Variants in COL5A3 observed in about 807,000 individuals in gnomAD.
The protein encoded by COL5A3 is collagen type V alpha 3 chain.
Under a neutral mutation model 250.0 loss-of-function variants are expected in COL5A3, and 172 were observed. The observed-to-expected ratio is 0.69, with a 90% CI of 0.61 to 0.78. The LOEUF is 0.78. Ranked by LOEUF, COL5A3 falls within the 30% of genes least tolerant of loss-of-function variation. The pLI, the probability that COL5A3 is intolerant of heterozygous loss-of-function variation, is 0.00. For synonymous variants in COL5A3, 937 were observed against 900.4 expected (o/e 1.04, Z -0.73); for missense variants, 2,340 against 2,334.4 (o/e 1.00, Z -0.05).
At chr19:9,962,778 C>A (rs775210362) in intron 65 of COL5A3, 41 bp downstream of exon 65, 3 of 1,517,956 alleles carry the variant, frequency 2.0e-6, no homozygotes, top group Admixed American at 3.5e-5. Flanking sequence ...TGGTTCCCAT[C>A]AATTTTCATG....
In COL5A3 at chr19:9,978,917, C is replaced by A; in HGVS notation, c.2938G>T (p.Gly980Cys). The A allele has an allele frequency of 3.3e-6, 5 of 1,494,194 alleles. No homozygotes were observed. Among genetic ancestry groups the A allele is most frequent in the Non-Finnish European group, 4.5e-6 (5 of 1,123,504 alleles). 92.6% of individuals were successfully genotyped at this position (1,494,194 alleles called of 1,614,324 possible). A position where few individuals can be genotyped will look rare whatever the true frequency, so the allele number is the denominator to read the frequency against. Residue 980 changes from glycine to cysteine, a missense_variant, in exon 40 of 67, where the codon GGC becomes TGC. Physicochemically the swap from Gly to Cys is radical, Grantham distance 159. Coordinates refer to ENST00000264828, the MANE Select transcript of COL5A3 (RefSeq NM_015719.4). The stretch of plus-strand genomic sequence containing the variant: ...GGGTCCCCAGGGCCCCCTTTGGGGC[C>A]GGGAAAGCCCCTGAGTCCAGCTGGC... Reference protein sequence around the residue: ...EGPAGLRGFPGPKGGPGDPGP... With the variant: ...EGPAGLRGFPCPKGGPGDPGP...
At chr19:9,992,152 G>A (rs1430550477) in intron 21 of COL5A3, 104 bp from the exon 22 acceptor site, 4 of 972,840 alleles carry the variant, frequency 4.1e-6, no homozygotes, top group Non-Finnish European at 6.4e-6. Flanking sequence ...GCCGGGCACT[G>A]TGGCTCATGC....
intron 48 of COL5A3, 22 bp from the exon 49 acceptor site, chr19:9,973,831 A>C (rs1187638474): frequency 1.2e-6 from 2 of 1,613,402 alleles, no homozygotes; most frequent in Admixed American, 1.7e-5. Flanking sequence ...GCAAGGGGTA[A>C]GAGTGGGACT....
chr19:9,985,477 C>G (rs28592244), intron 31 of COL5A3, among the ~76,000 whole-genome samples: 27,569 of 151,402 alleles, frequency 0.18, 3,512 homozygotes, highest in African/African-American at 0.37. Context: ...CCAGGCTGGT[C>G]TCTAACTCCT....
At chr19:9,973,316 A>T (rs1290514335) in intron 50 of COL5A3, among the ~76,000 whole-genome samples, 1 of 152,158 alleles carries the variant, frequency 6.6e-6, no homozygotes, top group African/African-American at 2.4e-5. Flanking sequence ...TCAGGTCAGG[A>T]CTCATGACTC....
In COL5A3 at chr19:9,981,034, C is replaced by T. The variant is rs2087001726; in HGVS notation, c.2505+54G>A. On this transcript the variant is annotated intron_variant, in intron 33 of 66. Coordinates refer to ENST00000264828, the MANE Select transcript of COL5A3 (RefSeq NM_015719.4). ...GATGACCTCTCCACTACCTTTCCTT[C>T]CCAGCCCTGTCCCCAAGTCCCAGCA... The T allele has an allele frequency of 5.0e-6, 8 of 1,589,922 alleles. No individual in the cohort carries two copies. The South Asian group carries it at 8.8e-5, about 18-fold the overall frequency.
At chr19:10,004,799 C>T (rs548809473) in intron 4 of COL5A3, among the ~76,000 whole-genome samples, 16 of 152,216 alleles carry the variant, frequency 1.1e-4, no homozygotes, top group Non-Finnish European at 2.4e-4. Flanking sequence ...TATCACACAA[C>T]CACACAACAC....
Position 9,968,890 on chromosome 19 carries a change from T to A in COL5A3, c.4153-162A>T. ...AGAGTAGGCCACCAAGGTGGGATGA[T>A]GAGAGCTAATGAGGGGTTGACTGGA... On this transcript the variant is annotated intron_variant, in intron 57 of 66. Coordinates refer to ENST00000264828, the MANE Select transcript of COL5A3 (RefSeq NM_015719.4). This position sits in a 1 kb window ranked among gnomAD's most constrained non-coding sequence, Gnocchi z 4.1. 1.5e-6 allele frequency: 1 copy of A among 680,450 alleles called. No individual in the cohort carries two copies. Among genetic ancestry groups the A allele is most frequent in the Non-Finnish European group, 2.6e-6 (1 of 390,952 alleles). 42.2% of individuals were successfully genotyped at this position (680,450 alleles called of 1,614,324 possible).
At position 9,997,386 on chromosome 19, in the gene COL5A3, G is replaced by A. The variant is rs779854888; in HGVS notation, c.1248C>T (p.Gly416=). ...AGTCTCTTACCGGTGGACCAGGGTCGCCAGGGAATCCTGGGGGGCCGGGAG... is the reference window on the plus strand; with the variant it reads ...AGTCTCTTACCGGTGGACCAGGGTCACCAGGGAATCCTGGGGGGCCGGGAG... ...SGPPGPPGFP[G]DPGPPGPAGL... is the part of the protein sequence containing the mutation. The change falls in exon 11 of 67, where the codon GGC becomes GGT. Residue 416 remains glycine (G), a synonymous_variant. Transcript: ENST00000264828. The A allele has an allele frequency of 2.3e-5, 37 of 1,609,280 alleles. No individual in the cohort carries two copies. In the East Asian group the frequency reaches 2.5e-4, roughly 11 times the overall value.
chr19:9,967,920 C>G lies in COL5A3; in HGVS notation c.4388G>C (p.Gly1463Ala). The change falls in exon 61 of 67, where the codon GGC becomes GCC. Residue 1463 changes from glycine to alanine, a missense_variant. Physicochemically the swap from Gly to Ala is moderately conservative, Grantham distance 60. Around this residue, in one of 3 missense-constraint regions of COL5A3, gnomAD observed 1,179 missense variants for 1,162.6 expected, o/e 1.01. Transcript: ENST00000264828. ...PGVAGPLGQK[G>A]SKGSPGSMGP... Reference sequence around the variant, plus strand: ...TGTACTCACCGGAGACCCTTTTGAGCCTTTCTGTCCTAGAGGGCCCTGTAG... The same window carrying G: ...TGTACTCACCGGAGACCCTTTTGAGGCTTTCTGTCCTAGAGGGCCCTGTAG... The G allele has an allele frequency of 1.9e-6, 3 of 1,613,184 alleles. No individual in the cohort carries two copies. The highest frequency in any genetic ancestry group is 1.7e-6 in the Non-Finnish European group (2 of 1,179,696).
At position 9,966,753 on chromosome 19, in the gene COL5A3, G is replaced by T; in HGVS notation, c.4459-7C>A. 2 of 1,531,184 alleles carry T rather than the reference G, an allele frequency of 1.3e-6. No individual in the cohort carries two copies. The highest frequency in any genetic ancestry group is 2.7e-5 in the African/African-American group (2 of 73,058). 94.8% of individuals were successfully genotyped at this position (1,531,184 alleles called of 1,614,324 possible). On this transcript the variant is annotated splice_region_variant and splice_polypyrimidine_tract_variant and intron_variant, in intron 62 of 66. Coordinates refer to ENST00000264828, the MANE Select transcript of COL5A3 (RefSeq NM_015719.4). ...GCAGCTCGGCAGGGGCACCCTGGGC[G>T]TAGGGGATGGGGACGGAGAAGAGAG...
At chr19:9,961,946 T>C (rs1277863387) in intron 65 of COL5A3, among the ~76,000 whole-genome samples, 2 of 152,322 alleles carry the variant, frequency 1.3e-5, no homozygotes, top group East Asian at 3.9e-4. Context: ...AACTTGAGTC[T>C]GAATCTACTT....
rs568668864 is a variant in COL5A3, at chr19:9,990,115, C to T, written c.1993-593G>A. ...ACATTTAAAAATAACTAAAAGAGGC[C>T]GGGCGTGGTGGCTCATACCTGTAAT... On this transcript the variant is annotated intron_variant, in intron 24 of 66. Transcript: ENST00000264828. Among the ~76,000 whole-genome samples the T allele has an allele frequency of 6.6e-5, 10 of 151,258 alleles. No homozygotes were observed. The East Asian group carries it at 1.4e-3, about 21-fold the overall frequency.
At chr19:9,963,111 C>G (rs2086694172) in intron 64 of COL5A3, among the ~76,000 whole-genome samples, 1 of 152,178 alleles carries the variant, frequency 6.6e-6, no homozygotes, top group Non-Finnish European at 1.5e-5. Flanking sequence ...AATACCCCAG[C>G]TCCCTCACCT....
intron 27 of COL5A3, among the ~76,000 whole-genome samples, chr19:9,987,940 A>G (rs1203195934): frequency 6.6e-6 from 1 of 152,180 alleles, no homozygotes; most frequent in East Asian, 1.9e-4. Context: ...TCTCTAAAAA[A>G]TAAAACATTT....
chr19:9,982,303 C>T (rs992372205), intron 31 of COL5A3, among the ~76,000 whole-genome samples, 185 bp from the exon 32 acceptor site: 7 of 152,150 alleles, frequency 4.6e-5, no homozygotes, highest in African/African-American at 1.7e-4. Flanking sequence ...CCTCCCTTCT[C>T]ATTTCACTGC....
intron 56 of COL5A3, 56 bp downstream of exon 56, chr19:9,969,519 A>G: frequency 1.3e-6 from 2 of 1,597,208 alleles, no homozygotes; most frequent in East Asian, 2.2e-5. Context: ...ACAAGCTGGG[A>G]GCAGACAGAG....
chr19:9,967,118 CA>C (rs1568404088), intron 62 of COL5A3, among the ~76,000 whole-genome samples: 1 of 152,098 alleles, frequency 6.6e-6, no homozygotes, highest in African/African-American at 2.4e-5. Context: ...GTCCAAGAGA[CA>C]AGACCCAGGT....
intron 64 of COL5A3, among the ~76,000 whole-genome samples, chr19:9,965,914 ACC>A (rs2086738591): frequency 6.6e-6 from 1 of 151,534 alleles, no homozygotes; most frequent in African/African-American, 2.4e-5. Flanking sequence ...GCTCACACTA[ACC>A]TCTGCCTCTA....
Sources: allele counts gnomAD v4.1 joint callset (sites outside exome capture counted in the v4.1 genomes callset), GRCh38; gene constraint gnomAD v4.1.1; regional missense constraint gnomAD v4.1.1; non-coding constraint Gnocchi (gnomAD v3.1); transcripts MANE v1.5; gene names NCBI Gene and HGNC (gene_info 2026-07-23, HGNC 2026-07-21).